JAK2: variants seen among roughly 807,000 people sequenced by gnomAD.
JAK2 encodes the protein Janus kinase 2.
JAK2 carries 86 observed loss-of-function variants against 139.3 expected under a neutral mutation model. The observed-to-expected ratio is 0.62, with a 90% confidence interval of 0.52 to 0.74. The LOEUF (loss-of-function observed/expected upper bound fraction) is 0.74, where lower values mean the gene tolerates loss of function less well. JAK2 is among the 30% of genes least tolerant of loss of function. The pLI, the probability that JAK2 is intolerant of heterozygous loss-of-function variation, is 0.00. For synonymous variants in JAK2, 490 were observed against 437.7 expected, an observed-to-expected ratio of 1.12 and a Z score of -1.49; for missense variants, 1,421 against 1,360.3, an observed-to-expected ratio of 1.04 and a Z score of -0.70.
intron 19 of JAK2, 109 bp from the exon 20 acceptor site, chr9:5,089,565 A>AT: frequency 3.2e-6 from 1 of 308,786 alleles, no homozygotes; most frequent in Non-Finnish European, 5.6e-6. Context: ...AAAAAAAAAA[A>AT]GACAGTCTGC....
At chr9:5,026,648 T>C (rs1362180249) in intron 3 of JAK2, among the ~76,000 whole-genome samples, 1 of 152,216 alleles carries the variant, frequency 6.6e-6, no homozygotes, top group East Asian at 1.9e-4. Context: ...ATGGTATGAA[T>C]GGTTATTCTG....
chr9:5,086,532 G>C (rs1458310247), intron 19 of JAK2, among the ~76,000 whole-genome samples: 2 of 151,690 alleles, frequency 1.3e-5, no homozygotes, highest in Non-Finnish European at 2.9e-5. Context: ...AATACTTTTA[G>C]TACTCATTGT....
At chr9:5,073,045 C>T (rs1335836167) in intron 13 of JAK2, among the ~76,000 whole-genome samples, 1 of 152,200 alleles carries the variant, frequency 6.6e-6, no homozygotes, top group Non-Finnish European at 1.5e-5. Context: ...TCCAGAGATG[C>T]TAGCTGGCAG....
intron 14 of JAK2, among the ~76,000 whole-genome samples, chr9:5,075,594 T>C (rs927318888): frequency 2.0e-5 from 3 of 152,180 alleles, no homozygotes; most frequent in South Asian, 2.1e-4. Flanking sequence ...TTTAAGCCCA[T>C]TGTTGAGACC....
chr9:5,063,994 A>G lies in JAK2; in HGVS notation c.1057-889A>G, dbSNP rs542650938. On this transcript the variant is annotated intron_variant, in intron 8 of 24. Transcript: ENST00000381652. ...AACATGTTGAAACTCTGTCTCTACT[A>G]AAAATACAAAAATTAGCCGGGCGTC... Among the ~76,000 whole-genome samples the G allele has an allele frequency of 3.1e-3, 478 of 152,080 alleles. 2 individuals are homozygous for G. The highest frequency in any genetic ancestry group is 0.011 in the African/African-American group (453 of 41,518).
chr9:5,023,043 G>A (rs1383017380), intron 3 of JAK2, among the ~76,000 whole-genome samples: 2 of 152,134 alleles, frequency 1.3e-5, no homozygotes, highest in Non-Finnish European at 2.9e-5. Flanking sequence ...TAGCTATTTT[G>A]AAAAATACAA....
At chr9:5,079,841 G>A (rs997113188) in intron 16 of JAK2, among the ~76,000 whole-genome samples, 1 of 149,998 alleles carries the variant, frequency 6.7e-6, no homozygotes, top group East Asian at 1.9e-4. Flanking sequence ...TTTTTTTTTT[G>A]AAGGTAAAAC....
At chr9:5,085,357 T>C in intron 19 of JAK2, 2 of 900,736 alleles carry the variant, frequency 2.2e-6, no homozygotes, top group South Asian at 1.3e-5. Flanking sequence ...TTTTCCGTAC[T>C]GATAGGTGAT....
intron 3 of JAK2, among the ~76,000 whole-genome samples, chr9:5,027,694 G>A (rs534583333): frequency 6.6e-6 from 1 of 152,310 alleles, no homozygotes; most frequent in South Asian, 2.1e-4. Context: ...CTTTGATTAA[G>A]TTGATGTAGT....
At chr9:5,038,383 A>T (rs901599654) in intron 4 of JAK2, among the ~76,000 whole-genome samples, 1 of 152,188 alleles carries the variant, frequency 6.6e-6, no homozygotes, top group Non-Finnish European at 1.5e-5. Context: ...TTATTCACAA[A>T]AAATAGAAAA....
At chr9:5,065,581 A>T (rs1485297582) in intron 9 of JAK2, among the ~76,000 whole-genome samples, 1 of 152,222 alleles carries the variant, frequency 6.6e-6, no homozygotes, top group African/African-American at 2.4e-5. Flanking sequence ...AATGCAACCG[A>T]GGAACTGAAT....
intron 19 of JAK2, among the ~76,000 whole-genome samples, chr9:5,083,019 G>A (rs565630790): frequency 1.3e-5 from 2 of 152,292 alleles, no homozygotes; most frequent in Middle Eastern, 6.8e-3. Context: ...CTTTTCAGAG[G>A]CTTTAACATG....
intron 22 of JAK2, among the ~76,000 whole-genome samples, chr9:5,117,537 C>G (rs1170158327): frequency 1.3e-5 from 2 of 152,082 alleles, no homozygotes; most frequent in Non-Finnish European, 2.9e-5. Flanking sequence ...GATATGTTTT[C>G]TATTTAACCA....
chr9:5,091,162 TCTC>T, intron 22 of JAK2: 1 of 299,080 alleles, frequency 3.3e-6, no homozygotes, highest in East Asian at 6.6e-5. Context: ...TTCAAAACTG[TCTC>T]CTATTTATTG....
chr9:5,090,621 A>C (rs1415226507), intron 21 of JAK2, 51 bp downstream of exon 21: 1 of 1,540,516 alleles, frequency 6.5e-7, no homozygotes, highest in Non-Finnish European at 8.7e-7. Context: ...GTGTTGAAGT[A>C]GACATTAGGA....
At chr9:5,091,869 T>C (rs764600684) in intron 22 of JAK2, among the ~76,000 whole-genome samples, 77 of 152,178 alleles carry the variant, frequency 5.1e-4, no homozygotes, top group Non-Finnish European at 5.0e-4. Context: ...TTAAGCTCTA[T>C]TGCTAGTAAG....
At position 5,128,072 on chromosome 9, in the gene JAK2, G is replaced by A. The variant is rs2130870891; in HGVS notation, c.*1281G>A. On this transcript the variant is annotated 3_prime_UTR_variant, in exon 25 of 25. Coordinates refer to ENST00000381652, the MANE Select transcript of JAK2 (RefSeq NM_004972.4). ...AGACACCATAGCTAAAATAAAATAT[G>A]GTGGGTTTTGTGTGTGTGTGTGTGT... is the stretch of plus-strand genomic sequence containing the variant. The A allele has an allele frequency of 4.8e-6, 1 of 207,428 alleles. No individual in the cohort carries two copies. The highest frequency in any genetic ancestry group is 1.3e-3 in the Middle Eastern group (1 of 756). 12.8% of individuals were successfully genotyped at this position (207,428 alleles called of 1,614,324 possible).
chr9:5,102,728 A>G (rs868735645), intron 22 of JAK2, among the ~76,000 whole-genome samples: 26 of 152,226 alleles, frequency 1.7e-4, no homozygotes, highest in African/African-American at 5.5e-4. Context: ...AAGAGAGTGG[A>G]GGCCAATATT....
At chr9:5,111,660 C>G in intron 22 of JAK2, 1 of 403,820 alleles carries the variant, frequency 2.5e-6, no homozygotes, top group South Asian at 1.9e-5. Context: ...TCCCTCCCGC[C>G]CAGCAGCGGC....
Sources: gnomAD v4.1 joint callset for allele counts (sites outside exome capture counted in the v4.1 genomes callset) on GRCh38, gnomAD v4.1.1 for gene constraint, MANE v1.5 for transcripts, NCBI Gene and HGNC (gene_info 2026-07-23, HGNC 2026-07-21) for gene names.